STAT5B: variants seen among roughly 807,000 people sequenced by gnomAD.
STAT5B encodes transcription factor STAT5B.
Under a neutral mutation model 107.8 loss-of-function variants are expected in STAT5B, and 21 were observed. The observed-to-expected ratio is 0.19, with a 90% CI of 0.14 to 0.28. STAT5B has a LOEUF of 0.28. Among genes scored for constraint, STAT5B ranks in the 10% least tolerant of loss-of-function variants. STAT5B has a pLI of 1.00. For synonymous variants in STAT5B, 325 were observed against 401.7 expected, an observed-to-expected ratio of 0.81 and a Z score of 2.28; for missense variants, 565 against 1,008.2, an observed-to-expected ratio of 0.56 and a Z score of 5.95.
chr17:42,244,047 T>C (rs750716266), intron 1 of STAT5B, among the ~76,000 whole-genome samples: 18 of 152,058 alleles, frequency 1.2e-4, no homozygotes, highest in Admixed American at 4.6e-4. Context: ...GAAGCTGCCA[T>C]GTAGTCCTAT....
intron 1 of STAT5B, among the ~76,000 whole-genome samples, chr17:42,256,623 G>A (rs1016304022): frequency 6.6e-6 from 1 of 152,034 alleles, no homozygotes; most frequent in African/African-American, 2.4e-5. Context: ...ATTTTGGGAG[G>A]CTGAGGCGAG....
Position 42,276,292 on chromosome 17 carries a change from T to C in STAT5B, c.-55A>G, listed in dbSNP as rs1321727738. The C allele has an allele frequency of 1.4e-5, 2 of 147,106 alleles. No homozygotes were observed. The highest frequency in any genetic ancestry group is 4.9e-5 in the African/African-American group (2 of 40,820). 9.1% of individuals were successfully genotyped at this position (147,106 alleles called of 1,614,324 possible). The stretch of plus-strand genomic sequence containing the variant: ...GCCCGCGGCTGCTCCGGCCCAGCTG[T>C]CTGGCTTGCCCGCCCGCCCGCTCGC... On this transcript the variant is annotated 5_prime_UTR_variant, in exon 1 of 19. Transcript: ENST00000293328. This position sits in a 1 kb window ranked among gnomAD's most constrained non-coding sequence, Gnocchi z 4.8.
At chr17:42,210,832 T>C (rs1225382246) in intron 13 of STAT5B, among the ~76,000 whole-genome samples, 1 of 152,164 alleles carries the variant, frequency 6.6e-6, no homozygotes, top group African/African-American at 2.4e-5. Context: ...AAATGCACGT[T>C]GTTAGGCTCC....
rs2080247627 is a variant in STAT5B at position 42,223,496 on chromosome 17, G to C, written c.436C>G (p.Gln146Glu). 1 of 1,613,998 alleles carries C rather than the reference G, an allele frequency of 6.2e-7. No individual in the cohort carries two copies. The highest frequency in any genetic ancestry group is 8.5e-7 in the Non-Finnish European group (1 of 1,180,032). ...AMSQKHLQIN[Q>E]TFEELRLVTQ... ...ACCAGTCGCAGCTCCTCAAACGTCT[G>C]GTTGATCTGGAGGTGTTTCTGGGAC... The change falls in exon 5 of 19, where the codon CAG becomes GAG. Residue 146 changes from glutamine (Q) to glutamate (E), a missense_variant. By Grantham distance (29) the Gln-to-Glu change is conservative. Around this residue, in one of 11 missense-constraint regions of STAT5B, gnomAD observed 54 missense variants for 49.7 expected, o/e 1.09. Transcript: ENST00000293328.
Position 42,222,927 on chromosome 17 carries a change from G to A in STAT5B, c.550+455C>T, listed in dbSNP as rs935046968. Reference sequence around the variant, plus strand: ...TCGAACTCCTGACCTCAGGTGATCCGCCTGCCTCAGCCTCCCAAAGTGCTG... The same window carrying A: ...TCGAACTCCTGACCTCAGGTGATCCACCTGCCTCAGCCTCCCAAAGTGCTG... On this transcript the variant is annotated intron_variant, in intron 5 of 18. Coordinates refer to ENST00000293328, the MANE Select transcript of STAT5B (RefSeq NM_012448.4). 4.0e-5 allele frequency among the ~76,000 whole-genome samples: 6 copies of A among 151,432 alleles called. No homozygotes were observed. In the South Asian group the frequency reaches 1.3e-3, roughly 32 times the overall value.
chr17:42,202,305 C>T (rs753827534), intron 18 of STAT5B, 35 bp downstream of exon 18: 2 of 1,613,086 alleles, frequency 1.2e-6, no homozygotes, highest in Middle Eastern at 1.7e-4. Flanking sequence ...GCCCCCAGTT[C>T]CTCCCCTGTG....
At chr17:42,218,040 G>C in intron 9 of STAT5B, 111 bp downstream of exon 9, 1 of 1,528,128 alleles carries the variant, frequency 6.5e-7, no homozygotes, top group Non-Finnish European at 8.9e-7. Context: ...CTGATGCCCA[G>C]AAGAGGCCAG....
In STAT5B at chr17:42,261,674, C is replaced by A. The variant is rs150139076; in HGVS notation, c.-11+14574G>T. On this transcript the variant is annotated intron_variant, in intron 1 of 18. Coordinates refer to ENST00000293328, the MANE Select transcript of STAT5B (RefSeq NM_012448.4). ...CTCCTGGGCTCAAGCCATCCTCCCA[C>A]CTCAGGCTCCCAAGTAGCTGGGACT... Among the ~76,000 whole-genome samples, 68 of 152,292 alleles carry A rather than the reference C, an allele frequency of 4.5e-4. No homozygotes were observed. In the East Asian group the frequency reaches 0.012, roughly 27 times the overall value.
At position 42,227,748 on chromosome 17, in the gene STAT5B, C is replaced by T. The variant is rs756209317; in HGVS notation, c.129-63G>A. Reference sequence around the variant, plus strand: ...GCACGTGAGCCTGTATAAATACAGCCTCAACACATCCTACTTTTTCTTCAA... The same window carrying T: ...GCACGTGAGCCTGTATAAATACAGCTTCAACACATCCTACTTTTTCTTCAA... On this transcript the variant is annotated intron_variant, in intron 2 of 18. Transcript: ENST00000293328. 4,493 of 1,536,452 alleles carry T rather than the reference C, an allele frequency of 2.9e-3. 14 individuals carry two copies. The highest frequency in any genetic ancestry group is 3.5e-3 in the Non-Finnish European group (3,934 of 1,122,242).
chr17:42,239,932 C>G (rs2080388734), intron 1 of STAT5B, among the ~76,000 whole-genome samples: 1 of 152,154 alleles, frequency 6.6e-6, no homozygotes, highest in Non-Finnish European at 1.5e-5. Flanking sequence ...TCGAGACCAG[C>G]CTGGCCAACA....
intron 16 of STAT5B, among the ~76,000 whole-genome samples, chr17:42,203,906 T>C (rs1424716316): frequency 6.6e-6 from 1 of 151,974 alleles, no homozygotes; most frequent in Non-Finnish European, 1.5e-5. Flanking sequence ...AGATTACAGG[T>C]GTGAGCCACG....
chr17:42,222,715 CTT>C (rs2080240839), intron 5 of STAT5B, among the ~76,000 whole-genome samples: 1 of 142,602 alleles, frequency 7.0e-6, no homozygotes, highest in African/African-American at 2.6e-5. Flanking sequence ...GAATTTTGCT[CTT>C]TTTGTCCAGG....
At chr17:42,211,624 A>C (rs2080130516) in intron 13 of STAT5B, among the ~76,000 whole-genome samples, 1 of 152,184 alleles carries the variant, frequency 6.6e-6, no homozygotes, top group Non-Finnish European at 1.5e-5. Context: ...TAGGAGCCTG[A>C]TCTGGCATTA....
chr17:42,224,082 C>T (rs2080253307), intron 4 of STAT5B, among the ~76,000 whole-genome samples: 1 of 152,014 alleles, frequency 6.6e-6, no homozygotes, highest in Non-Finnish European at 1.5e-5. Context: ...TCCTGGAGAC[C>T]CCAGGGTGAA....
At chr17:42,286,315 CA>C in the STAT5B span, among the ~76,000 whole-genome samples, 3 of 151,432 alleles carry the variant, frequency 2.0e-5, no homozygotes, top group Non-Finnish European at 4.4e-5. Flanking sequence ...AGTCAGAGAC[CA>C]AATGAGGGAT....
At chr17:42,256,340 C>T (rs2080543985) in intron 1 of STAT5B, among the ~76,000 whole-genome samples, 1 of 152,092 alleles carries the variant, frequency 6.6e-6, no homozygotes, top group Non-Finnish European at 1.5e-5. Flanking sequence ...CTCAGCCTCC[C>T]ATAGTACTGG....
intron 1 of STAT5B, among the ~76,000 whole-genome samples, chr17:42,262,944 G>A (rs9890546): frequency 0.4 from 11,564 of 28,664 alleles, 1,740 homozygotes; most frequent in African/African-American, 0.58. Flanking sequence ...GTATATATAT[G>A]TGTGTGTGTG....
At chr17:42,202,896 G>T in intron 16 of STAT5B, 88 bp from the exon 17 acceptor site, 1 of 1,524,216 alleles carries the variant, frequency 6.6e-7, no homozygotes, top group South Asian at 1.1e-5. Flanking sequence ...TCTTAGGACA[G>T]AACACAACCA....
At chr17:42,261,120 G>A (rs1242314266) in intron 1 of STAT5B, among the ~76,000 whole-genome samples, 2 of 152,056 alleles carry the variant, frequency 1.3e-5, no homozygotes, top group African/African-American at 2.4e-5. Context: ...AGCGGGCCAG[G>A]CTGGTCTCGA....
Sources: allele counts gnomAD v4.1 joint callset (sites outside exome capture counted in the v4.1 genomes callset), GRCh38; gene constraint gnomAD v4.1.1; regional missense constraint gnomAD v4.1.1; non-coding constraint Gnocchi (gnomAD v3.1); transcripts MANE v1.5; gene names NCBI Gene and HGNC (gene_info 2026-07-23, HGNC 2026-07-21).